NEMP2: variants seen among roughly 807,000 people sequenced by gnomAD.
NEMP2 encodes the protein nuclear envelope integral membrane protein 2, also known as UPF0571 transmembrane protein.
NEMP2 carries 53 observed loss-of-function variants against 54.2 expected under a neutral mutation model. The observed-to-expected ratio is 0.98, with a 90% CI of 0.78 to 1.23. The LOEUF is 1.23. NEMP2 is among the 50% of genes most tolerant of loss of function. The pLI is 0.00. For synonymous variants in NEMP2, 197 were observed against 190.3 expected (o/e 1.04, Z -0.29); for missense variants, 455 against 511.3 (o/e 0.89, Z 1.06).
chr2:190,500,860 C>A (rs1689991647), downstream of NEMP2: 1 of 152,094 alleles, frequency 6.6e-6, no homozygotes, highest in Non-Finnish European at 1.5e-5. This position sits in a 1 kb window ranked among gnomAD's most constrained non-coding sequence, Gnocchi z 5.3. Context: ...GGAAATAATT[C>A]TTTGAGCAAC....
chr2:190,635,239 A>G, the NEMP2 span, among the ~76,000 whole-genome samples: 3 of 152,322 alleles, frequency 2.0e-5, no homozygotes, highest in African/African-American at 7.2e-5. This position sits in a 1 kb window ranked among gnomAD's most constrained non-coding sequence, Gnocchi z 4.1. Flanking sequence ...TTTAAGAGAC[A>G]AGAGTCTTGC....
intron 7 of NEMP2, among the ~76,000 whole-genome samples, chr2:190,511,151 AG>A (rs1209803325): frequency 1.3e-5 from 2 of 152,082 alleles, no homozygotes; most frequent in Non-Finnish European, 2.9e-5. Flanking sequence ...GGCAATTAAA[AG>A]CTTGTTTTGT....
chr2:190,613,897 C>A, the NEMP2 span, among the ~76,000 whole-genome samples: 1 of 151,994 alleles, frequency 6.6e-6, no homozygotes, highest in Admixed American at 6.6e-5. Context: ...GCCATTACTT[C>A]ACCAATAATT....
the NEMP2 span, among the ~76,000 whole-genome samples, chr2:190,634,113 A>G: frequency 7.9e-5 from 12 of 152,200 alleles, no homozygotes. The surrounding 1 kb of genome is among the most constrained non-coding windows in gnomAD (Gnocchi z 6.8). Flanking sequence ...GTAAGACTCC[A>G]GGTATTTACT....
rs1691258668 is a variant in NEMP2 at position 190,533,998 on chromosome 2, T to G, written c.97+561A>C. On this transcript the variant is annotated intron_variant, in intron 1 of 8. Coordinates refer to ENST00000409150, the MANE Select transcript of NEMP2 (RefSeq NM_001142645.2). This position sits in a 1 kb window ranked among gnomAD's most constrained non-coding sequence, Gnocchi z 4.3. ...GCACACGAACACCACAAGAACCTTG[T>G]GAGGCCTCATTACCTGCCGCTCACG... is the stretch of plus-strand genomic sequence containing the variant. 1.0e-6 allele frequency: 1 copy of G among 985,218 alleles called. No homozygotes were observed. The highest frequency in any genetic ancestry group is 4.7e-5 in the South Asian group (1 of 21,282). 61.0% of individuals were successfully genotyped at this position (985,218 alleles called of 1,614,324 possible).
At chr2:190,426,213 C>G in the NEMP2 span, among the ~76,000 whole-genome samples, 15 of 152,140 alleles carry the variant, frequency 9.9e-5, no homozygotes, top group Admixed American at 3.9e-4. The surrounding 1 kb of genome is among the most constrained non-coding windows in gnomAD (Gnocchi z 4.7). Context: ...GTTACAGTCC[C>G]ATAGGTCCTT....
chr2:190,480,796 G>GC, the NEMP2 span, among the ~76,000 whole-genome samples: 1 of 152,092 alleles, frequency 6.6e-6, no homozygotes, highest in Non-Finnish European at 1.5e-5. Flanking sequence ...ACTAATCCAT[G>GC]CAAAGTATTT....
At chr2:190,472,092 G>A in the NEMP2 span, among the ~76,000 whole-genome samples, 11 of 152,236 alleles carry the variant, frequency 7.2e-5, no homozygotes, top group African/African-American at 2.2e-4. Flanking sequence ...CCATCTGTAC[G>A]TCACCATCAT....
At chr2:190,625,410 A>G in the NEMP2 span, 1 of 152,222 alleles carries the variant, frequency 6.6e-6, no homozygotes, top group Non-Finnish European at 1.5e-5. Flanking sequence ...GGGGCCTCAG[A>G]AAGGGGGAAT....
In NEMP2 at chr2:190,520,330, C is replaced by T. The variant is rs936268345; in HGVS notation, c.214-1147G>A. ...CCAGATCCCAACCTCAGGTCCTATT[C>T]ACATCACAGAACAAAGCACTAGCTA... On this transcript the variant is annotated intron_variant, in intron 2 of 8. Transcript: ENST00000409150. The surrounding 1 kb of genome is among the most constrained non-coding windows in gnomAD (Gnocchi z 5.4). Among the ~76,000 whole-genome samples, 2 of 152,218 alleles carry T rather than the reference C, an allele frequency of 1.3e-5. No individual in the cohort carries two copies. Among genetic ancestry groups the T allele is most frequent in the African/African-American group, 4.8e-5 (2 of 41,454 alleles).
chr2:190,439,761 A>ATC, the NEMP2 span, among the ~76,000 whole-genome samples: 1 of 152,254 alleles, frequency 6.6e-6, no homozygotes, highest in African/African-American at 2.4e-5. The surrounding 1 kb of genome is among the most constrained non-coding windows in gnomAD (Gnocchi z 5.8). Context: ...TGGGAATTCC[A>ATC]TCAGTATGTG....
chr2:190,518,443 T>C (rs760769129), intron 4 of NEMP2, among the ~76,000 whole-genome samples: 3 of 152,210 alleles, frequency 2.0e-5, no homozygotes, highest in Non-Finnish European at 4.4e-5. Flanking sequence ...ATGTTGCTTT[T>C]CTCATCTATA....
chr2:190,627,398 A>G, the NEMP2 span, among the ~76,000 whole-genome samples: 3 of 152,200 alleles, frequency 2.0e-5, no homozygotes, highest in African/African-American at 7.2e-5. This position sits in a 1 kb window ranked among gnomAD's most constrained non-coding sequence, Gnocchi z 4.4. Flanking sequence ...TACTCTGACC[A>G]TTCACAAAAG....
At chr2:190,489,785 C>T in the NEMP2 span, 4 of 1,614,070 alleles carry the variant, frequency 2.5e-6, no homozygotes, top group East Asian at 2.2e-5. The surrounding 1 kb of genome is among the most constrained non-coding windows in gnomAD (Gnocchi z 6.6). Context: ...TGCAACCTTC[C>T]GAGGAATTGG....
At chr2:190,477,410 T>A in the NEMP2 span, 1 of 940,648 alleles carries the variant, frequency 1.1e-6, no homozygotes, top group African/African-American at 1.8e-5. Context: ...TGACTATATA[T>A]TATAATAATA....
intron 1 of NEMP2, 33 bp downstream of exon 1, chr2:190,534,526 A>ACGCG: frequency 1.5e-6 from 2 of 1,375,930 alleles, no homozygotes; most frequent in Non-Finnish European, 1.9e-6. Flanking sequence ...GCGAGCACGC[A>ACGCG]CGCGCGCGCC....
At chr2:190,496,613 T>C in the NEMP2 span, among the ~76,000 whole-genome samples, 3 of 152,142 alleles carry the variant, frequency 2.0e-5, no homozygotes, top group Admixed American at 6.5e-5. This position sits in a 1 kb window ranked among gnomAD's most constrained non-coding sequence, Gnocchi z 4.7. Flanking sequence ...GAAACTGTAG[T>C]GTGTGTATGT....
the NEMP2 span, among the ~76,000 whole-genome samples, chr2:190,595,090 C>T: frequency 6.6e-6 from 1 of 152,034 alleles, no homozygotes; most frequent in African/African-American, 2.4e-5. The surrounding 1 kb of genome is among the most constrained non-coding windows in gnomAD (Gnocchi z 4.0). Flanking sequence ...TGGAGATGTA[C>T]ATTAAAATAA....
chr2:190,584,935 G>GAAAGAAAGAAAGAAAGAAAA, the NEMP2 span, among the ~76,000 whole-genome samples: 5 of 148,536 alleles, frequency 3.4e-5, no homozygotes, highest in African/African-American at 1.3e-4. This position sits in a 1 kb window ranked among gnomAD's most constrained non-coding sequence, Gnocchi z 4.2. Flanking sequence ...AAGAAAGAAA[G>GAAAGAAAGAAAGAAAGAAAA]AAAGAAAGAA....
Sources: allele counts gnomAD v4.1 joint callset (sites outside exome capture counted in the v4.1 genomes callset), GRCh38; gene constraint gnomAD v4.1.1; non-coding constraint Gnocchi (gnomAD v3.1); transcripts MANE v1.5; gene names NCBI Gene and HGNC (gene_info 2026-07-23, HGNC 2026-07-21).